DNAJC15: variants seen among roughly 807,000 people sequenced by gnomAD.
The protein encoded by DNAJC15 is dnaJ homolog subfamily C member 15.
A neutral mutation model predicts 22.4 loss-of-function variants in DNAJC15; 27 were observed. The ratio of observed to expected loss-of-function variants is 1.20; its 90% CI spans 0.89 to 1.66. DNAJC15 has a LOEUF of 1.66. Among genes scored for constraint, DNAJC15 ranks in the 40% most tolerant of loss-of-function variants. DNAJC15 has a pLI of 0.00. For synonymous variants in DNAJC15, 79 were observed against 63.2 expected, an observed-to-expected ratio of 1.25 and a Z score of -1.19; for missense variants, 208 against 187.1, an observed-to-expected ratio of 1.11 and a Z score of -0.65.
intron 4 of DNAJC15, 109 bp downstream of exon 4, chr13:43,078,797 C>T: frequency 1.2e-6 from 1 of 839,942 alleles, no homozygotes; most frequent in Non-Finnish European, 1.7e-6. Context: ...GAGTAGGTGG[C>T]AGAGGAGAAA....
chr13:43,085,944 C>A (rs1242694638), intron 5 of DNAJC15, 106 bp downstream of exon 5: 4 of 983,252 alleles, frequency 4.1e-6, no homozygotes, highest in Non-Finnish European at 6.0e-6. Flanking sequence ...AGTTTGTGCG[C>A]CACATGTATT....
At chr13:43,106,510 A>AT (rs1400637943) in intron 5 of DNAJC15, among the ~76,000 whole-genome samples, 1 of 152,096 alleles carries the variant, frequency 6.6e-6, no homozygotes, top group Admixed American at 6.5e-5. Context: ...ACTTAATTTT[A>AT]TTTTTTGCAC....
intron 5 of DNAJC15, among the ~76,000 whole-genome samples, chr13:43,092,946 C>G (rs2153441907): frequency 6.6e-6 from 1 of 152,182 alleles, no homozygotes; most frequent in Non-Finnish European, 1.5e-5. Context: ...TAGTGACTGT[C>G]CAAAGAATAC....
At chr13:43,041,090 AGGTGTCG>A (rs1008831965) in intron 1 of DNAJC15, among the ~76,000 whole-genome samples, 33 of 152,148 alleles carry the variant, frequency 2.2e-4, no homozygotes, top group Non-Finnish European at 4.4e-4. Context: ...GACCCTTTAC[AGGTGTCG>A]GGCTGGGGGA....
At chr13:43,041,498 C>G (rs1232386805) in intron 1 of DNAJC15, among the ~76,000 whole-genome samples, 1 of 152,192 alleles carries the variant, frequency 6.6e-6, no homozygotes, top group Non-Finnish European at 1.5e-5. Flanking sequence ...ATCTCTCTTT[C>G]TTTTCCCCAC....
At chr13:43,030,395 G>A (rs946564670) in intron 1 of DNAJC15, among the ~76,000 whole-genome samples, 5 of 152,086 alleles carry the variant, frequency 3.3e-5, no homozygotes, top group African/African-American at 4.8e-5. Context: ...ATAGCATCTG[G>A]CACACATTTA....
chr13:43,055,418 G>A (rs181714077), intron 1 of DNAJC15, among the ~76,000 whole-genome samples: 1 of 152,042 alleles, frequency 6.6e-6, no homozygotes, highest in Non-Finnish European at 1.5e-5. Flanking sequence ...ACTCACTCGG[G>A]ACCCATCTCT....
At chr13:43,105,483 T>C (rs2040791987) in intron 5 of DNAJC15, among the ~76,000 whole-genome samples, 1 of 152,212 alleles carries the variant, frequency 6.6e-6, no homozygotes, top group Non-Finnish European at 1.5e-5. Context: ...GTCTACCATG[T>C]ACATAAATTA....
rs752317033 is a variant in DNAJC15 at position 43,068,944 on chromosome 13, C to T, written c.175C>T (p.Arg59Trp). Residue 59 changes from arginine to tryptophan, a missense_variant, in exon 3 of 6, where the codon CGG (arginine) becomes TGG (tryptophan). By Grantham distance (101) the Arg-to-Trp change is moderately radical. Coordinates refer to ENST00000379221, the MANE Select transcript of DNAJC15 (RefSeq NM_013238.3). ...TTACTATTTAGGTCGCTACGCATTT[C>T]GGATCTGGAAACCTCTAGAACAAGT... Reference protein sequence around the residue: ...ALAFAGRYAFRIWKPLEQVIT... With the variant: ...ALAFAGRYAFWIWKPLEQVIT... 9.9e-6 allele frequency: 16 copies of T among 1,612,316 alleles called. No homozygotes were observed. Among genetic ancestry groups the T allele is most frequent in the East Asian group, 2.2e-5 (1 of 44,748 alleles).
At chr13:43,045,480 T>C (rs1593312837) in intron 1 of DNAJC15, among the ~76,000 whole-genome samples, 1 of 152,158 alleles carries the variant, frequency 6.6e-6, no homozygotes, top group African/African-American at 2.4e-5. Context: ...TATGAAAGGG[T>C]TGTGATTGAT....
chr13:43,052,931 T>C (rs887135572), intron 1 of DNAJC15, among the ~76,000 whole-genome samples: 1 of 152,176 alleles, frequency 6.6e-6, no homozygotes, highest in Non-Finnish European at 1.5e-5. Context: ...TTTGTTGCAT[T>C]TGCTTTTGGC....
At chr13:43,070,498 C>T (rs1394734048) in intron 3 of DNAJC15, among the ~76,000 whole-genome samples, 2 of 151,672 alleles carry the variant, frequency 1.3e-5, no homozygotes, top group African/African-American at 4.8e-5. Flanking sequence ...CTAAAAGTGT[C>T]GAGTGCTTTT....
chr13:43,082,391 ATGT>A (rs1339760088), intron 4 of DNAJC15, among the ~76,000 whole-genome samples: 1 of 152,136 alleles, frequency 6.6e-6, no homozygotes, highest in Non-Finnish European at 1.5e-5. Flanking sequence ...GGCTTCTCTC[ATGT>A]TGTTTAATCT....
chr13:43,079,874 A>AT (rs1244272319), intron 4 of DNAJC15, among the ~76,000 whole-genome samples: 1 of 152,194 alleles, frequency 6.6e-6, no homozygotes, highest in Non-Finnish European at 1.5e-5. Flanking sequence ...TATAAAATTC[A>AT]CTTGGAAAAT....
At chr13:43,033,045 C>G (rs1464277867) in intron 1 of DNAJC15, among the ~76,000 whole-genome samples, 1 of 152,114 alleles carries the variant, frequency 6.6e-6, no homozygotes, top group Non-Finnish European at 1.5e-5. Context: ...TGCATACCCC[C>G]AGAAAACCAG....
In DNAJC15 at chr13:43,109,748, TATACTA is replaced by T. The variant is rs1319965351; in HGVS notation, c.*2503_*2508del. ...AGGGGGGAGGGATCGCATTTGGAGA[TATACTA>T]ATGTAAATGACAAGTTAATTGGTGC... On this transcript the variant is annotated 3_prime_UTR_variant, in exon 6 of 6. Coordinates refer to ENST00000379221, the MANE Select transcript of DNAJC15 (RefSeq NM_013238.3). The T allele has an allele frequency of 6.6e-6, 1 of 152,260 alleles. No individual in the cohort carries two copies. The allele number at this position is 152,260 out of a possible 1,614,324, so 9.4% of individuals were successfully genotyped here.
intron 3 of DNAJC15, among the ~76,000 whole-genome samples, chr13:43,073,066 A>G (rs1593322379): frequency 6.6e-6 from 1 of 151,982 alleles, no homozygotes; most frequent in Non-Finnish European, 1.5e-5. Context: ...TTTCCCCTCC[A>G]TGATAATTGG....
chr13:43,065,614 A>G (rs2040579653), intron 1 of DNAJC15, 72 bp from the exon 2 acceptor site: 11 of 1,219,226 alleles, frequency 9.0e-6, no homozygotes, highest in South Asian at 1.2e-5. Context: ...AATTATTCTC[A>G]TTATTAAAAA....
chr13:43,088,595 A>C (rs999167173), intron 5 of DNAJC15, among the ~76,000 whole-genome samples: 1 of 152,158 alleles, frequency 6.6e-6, no homozygotes, highest in Non-Finnish European at 1.5e-5. Context: ...TCCTTATTAG[A>C]GTGTTTAAGT....
Sources: gnomAD v4.1 joint callset for allele counts (sites outside exome capture counted in the v4.1 genomes callset) on GRCh38, gnomAD v4.1.1 for gene constraint, MANE v1.5 for transcripts, NCBI Gene and HGNC (gene_info 2026-07-23, HGNC 2026-07-21) for gene names.